Variants in ATRNL1 observed in about 807,000 individuals in gnomAD.
ATRNL1 encodes the protein attractin-like protein 1.
In ATRNL1, 95 loss-of-function variants were observed where a neutral mutation model predicts 182.7. That is an observed-to-expected ratio of 0.52 (90% CI 0.44 to 0.62). The LOEUF is 0.62. Ranked by LOEUF, ATRNL1 falls within the 20% of genes least tolerant of loss-of-function variation. The pLI, the probability that ATRNL1 is intolerant of heterozygous loss-of-function variation, is 0.00. For synonymous variants in ATRNL1, 576 were observed against 568.3 expected (o/e 1.01, Z -0.19); for missense variants, 1,471 against 1,679.5 (o/e 0.88, Z 2.17).
chr10:115,738,126 ATTTTTTTTTTTTTTTTT>A (rs10546896), intron 27 of ATRNL1, among the ~76,000 whole-genome samples: 2 of 47,092 alleles, frequency 4.2e-5, no homozygotes, highest in African/African-American at 1.3e-4. Flanking sequence ...GAAGATAATG[ATTTTTTTTTTTTTTTTT>A]TTTTTTTTTT....
chr10:115,761,754 T>G (rs1555073674), intron 27 of ATRNL1, among the ~76,000 whole-genome samples: 1 of 152,192 alleles, frequency 6.6e-6, no homozygotes, highest in African/African-American at 2.4e-5. Context: ...GATTTTGACT[T>G]GGGTAGGTTA....
intron 5 of ATRNL1, among the ~76,000 whole-genome samples, chr10:115,155,791 C>A (rs1290746196): frequency 6.6e-6 from 1 of 151,982 alleles, no homozygotes; most frequent in Non-Finnish European, 1.5e-5. Context: ...TGGTTGCATT[C>A]TGGATAGTTG....
rs554785206 is a variant in ATRNL1, at chr10:115,108,019, C to T, written c.294-12166C>T. ...GATCTCTTTCTATCTTGATGAATAGCACGTGACTTCCTTTTATCCATGCTA... is the reference window on the plus strand; with the variant it reads ...GATCTCTTTCTATCTTGATGAATAGTACGTGACTTCCTTTTATCCATGCTA... On this transcript the variant is annotated intron_variant, in intron 1 of 28. Transcript: ENST00000355044. 3.2e-4 allele frequency among the ~76,000 whole-genome samples: 48 copies of T among 152,282 alleles called. No individual in the cohort carries two copies. The South Asian group carries it at 5.2e-3, about 16-fold the overall frequency.
chr10:115,480,236 A>G (rs1305121076), intron 24 of ATRNL1, among the ~76,000 whole-genome samples: 1 of 149,812 alleles, frequency 6.7e-6, no homozygotes, highest in Admixed American at 6.7e-5. Context: ...ACACACACAC[A>G]AAACAGAAAA....
rs1554998461 is a variant in ATRNL1 at position 115,559,450 on chromosome 10, GCGCA to G, written c.3795+9924_3795+9927del. On this transcript the variant is annotated intron_variant, in intron 26 of 28. Transcript: ENST00000355044. The stretch of plus-strand genomic sequence containing the variant: ...TGTGTGTGTGTGTGTGTGTGCGCGC[GCGCA>G]CGCACGCACATGCGCAACCCTTCTT... Among the ~76,000 whole-genome samples the G allele has an allele frequency of 8.2e-4, 105 of 128,618 alleles. 1 individual carries two copies. The East Asian group carries it at 0.019, about 23-fold the overall frequency. 84.4% of individuals were successfully genotyped at this position (128,618 alleles called of 152,430 possible). A position where few individuals can be genotyped will look rare whatever the true frequency, so the allele number is the denominator to read the frequency against.
chr10:115,405,782 G>A (rs537144020), intron 20 of ATRNL1, among the ~76,000 whole-genome samples: 1 of 151,356 alleles, frequency 6.6e-6, no homozygotes, highest in East Asian at 2.0e-4. Flanking sequence ...ATATTGGTGT[G>A]CTGCACCCAG....
intron 26 of ATRNL1, among the ~76,000 whole-genome samples, chr10:115,638,382 G>A (rs967644713): frequency 6.7e-5 from 10 of 150,162 alleles, no homozygotes; most frequent in East Asian, 1.9e-4. Flanking sequence ...ATGTATCCCC[G>A]TCATTGAGTA....
intron 27 of ATRNL1, among the ~76,000 whole-genome samples, chr10:115,779,078 C>T (rs1949199609): frequency 6.6e-6 from 1 of 152,160 alleles, no homozygotes; most frequent in Admixed American, 6.5e-5. Context: ...TTGCTGCCTG[C>T]ACCCAGGGCA....
chr10:115,621,821 G>C (rs1477463153), intron 26 of ATRNL1, among the ~76,000 whole-genome samples: 3 of 152,200 alleles, frequency 2.0e-5, no homozygotes, highest in African/African-American at 7.2e-5. Flanking sequence ...AATTCAAAAT[G>C]TCTCTAATAG....
chr10:115,874,648 A>G (rs1054946302), intron 28 of ATRNL1, among the ~76,000 whole-genome samples: 11 of 152,220 alleles, frequency 7.2e-5, no homozygotes, highest in African/African-American at 2.7e-4. Flanking sequence ...AGAGAGAAAG[A>G]GCACTTACTA....
intron 28 of ATRNL1, among the ~76,000 whole-genome samples, chr10:115,942,818 T>TTTG (rs1460691278): frequency 6.6e-6 from 1 of 152,196 alleles, no homozygotes; most frequent in African/African-American, 2.4e-5. Context: ...AGTATGGTGA[T>TTTG]TTGATACATT....
At chr10:115,593,103 T>G (rs1555012884) in intron 26 of ATRNL1, among the ~76,000 whole-genome samples, 1 of 152,078 alleles carries the variant, frequency 6.6e-6, no homozygotes, top group Admixed American at 6.6e-5. Flanking sequence ...TGCTGCATCA[T>G]CCCATGGCAG....
intron 27 of ATRNL1, among the ~76,000 whole-genome samples, chr10:115,737,650 G>A (rs191554315): frequency 1.3e-5 from 2 of 152,170 alleles, no homozygotes; most frequent in East Asian, 1.9e-4. Flanking sequence ...GGGATGGGAA[G>A]GGAGGTCCCC....
At chr10:115,706,196 T>C (rs2134006841) in intron 26 of ATRNL1, among the ~76,000 whole-genome samples, 1 of 152,054 alleles carries the variant, frequency 6.6e-6, no homozygotes, top group South Asian at 2.1e-4. Flanking sequence ...TCTTGCCTTT[T>C]TTAGTTTCTA....
At chr10:115,714,374 G>A (rs1361665661) in intron 26 of ATRNL1, among the ~76,000 whole-genome samples, 2 of 151,808 alleles carry the variant, frequency 1.3e-5, no homozygotes, top group Non-Finnish European at 2.9e-5. Context: ...CTGTTAACAG[G>A]CCCCCATCTC....
intron 21 of ATRNL1, among the ~76,000 whole-genome samples, chr10:115,432,004 CTA>C (rs1286079040): frequency 3.3e-5 from 5 of 151,930 alleles, no homozygotes; most frequent in Non-Finnish European, 7.4e-5. Context: ...AATTTTTCTT[CTA>C]TGTCAATGTT....
chr10:115,674,609 AT>A (rs1405962886), intron 26 of ATRNL1, among the ~76,000 whole-genome samples: 1 of 152,110 alleles, frequency 6.6e-6, no homozygotes, highest in African/African-American at 2.4e-5. Flanking sequence ...TACTGATGAA[AT>A]TTTTGTAAGT....
chr10:115,121,430 A>G (rs1254450174), intron 2 of ATRNL1, among the ~76,000 whole-genome samples: 2 of 152,162 alleles, frequency 1.3e-5, no homozygotes, highest in African/African-American at 4.8e-5. Flanking sequence ...TATTGACTAC[A>G]TTTTTAGAAA....
intron 27 of ATRNL1, among the ~76,000 whole-genome samples, chr10:115,761,129 T>C (rs2960717): frequency 0.95 from 144,660 of 152,224 alleles, 69,149 homozygotes; most frequent in East Asian, 1. Context: ...AATCAAATCA[T>C]GTAATCAAAA....
Sources: allele counts gnomAD v4.1 joint callset (sites outside exome capture counted in the v4.1 genomes callset), GRCh38; gene constraint gnomAD v4.1.1; transcripts MANE v1.5; gene names NCBI Gene and HGNC (gene_info 2026-07-23, HGNC 2026-07-21).